The following CCSER1 variants were observed in gnomAD, a reference collection of about 807,000 sequenced individuals.
CCSER1 encodes the protein serine-rich coiled-coil domain-containing protein 1.
Under a neutral mutation model 82.0 loss-of-function variants are expected in CCSER1, and 41 were observed. The observed-to-expected ratio is 0.50, with a 90% CI of 0.39 to 0.65. The LOEUF (loss-of-function observed/expected upper bound fraction) is 0.65, where lower values mean the gene tolerates loss of function less well. Ranked by LOEUF, CCSER1 falls within the 30% of genes least tolerant of loss-of-function variation. CCSER1 has a pLI of 0.00. For synonymous variants in CCSER1, 414 were observed against 383.9 expected (o/e 1.08, Z -0.92); for missense variants, 1,119 against 1,064.2 (o/e 1.05, Z -0.72).
intron 1 of CCSER1, among the ~76,000 whole-genome samples, chr4:90,130,415 G>C (rs980223170): frequency 3.9e-5 from 6 of 152,144 alleles, no homozygotes; most frequent in Non-Finnish European, 7.4e-5. Context: ...GGTAAGACTT[G>C]CTTGATCTTG....
intron 4 of CCSER1, among the ~76,000 whole-genome samples, chr4:90,430,181 C>T (rs565492876): frequency 6.6e-6 from 1 of 151,826 alleles, no homozygotes; most frequent in African/African-American, 2.4e-5. Flanking sequence ...ACAATTTGTA[C>T]TTATTTTATC....
At chr4:91,275,602 T>C (rs915890924) in intron 10 of CCSER1, among the ~76,000 whole-genome samples, 2 of 152,206 alleles carry the variant, frequency 1.3e-5, no homozygotes, top group African/African-American at 4.8e-5. Flanking sequence ...AGTTTGCAAA[T>C]ATTTTCTCTC....
intron 5 of CCSER1, among the ~76,000 whole-genome samples, chr4:90,549,312 C>T (rs189870707): frequency 1.2e-4 from 19 of 152,226 alleles, no homozygotes; most frequent in Non-Finnish European, 2.6e-4. Flanking sequence ...AGTGAAACTC[C>T]TCTTTCAACA....
At chr4:90,666,647 G>A (rs546926691) in intron 6 of CCSER1, among the ~76,000 whole-genome samples, 18 of 152,272 alleles carry the variant, frequency 1.2e-4, no homozygotes, top group African/African-American at 2.4e-4. Flanking sequence ...GCCCTATCAC[G>A]TGCTGAAGAA....
chr4:90,694,923 A>G (rs566219216), intron 6 of CCSER1, among the ~76,000 whole-genome samples: 6 of 151,804 alleles, frequency 4.0e-5, no homozygotes, highest in Admixed American at 3.3e-4. Context: ...AAATCGTTTA[A>G]TATACCACCA....
intron 10 of CCSER1, among the ~76,000 whole-genome samples, chr4:91,507,749 T>G (rs1759579799): frequency 6.6e-6 from 1 of 151,980 alleles, no homozygotes; most frequent in African/African-American, 2.4e-5. Flanking sequence ...TTTAAAAAAA[T>G]TTTAATAAAC....
intron 5 of CCSER1, among the ~76,000 whole-genome samples, chr4:90,494,301 C>T (rs182041423): frequency 6.6e-6 from 1 of 152,118 alleles, no homozygotes; most frequent in Non-Finnish European, 1.5e-5. Flanking sequence ...CTTAGACTCC[C>T]ACACAATAAT....
chr4:90,948,227 A>G (rs1409661112), intron 9 of CCSER1, among the ~76,000 whole-genome samples: 1 of 151,954 alleles, frequency 6.6e-6, no homozygotes, highest in African/African-American at 2.4e-5. Context: ...AACATTCATT[A>G]TATCAAGATG....
intron 7 of CCSER1, among the ~76,000 whole-genome samples, chr4:90,764,504 C>G (rs1358646899): frequency 6.6e-6 from 1 of 151,986 alleles, no homozygotes; most frequent in Non-Finnish European, 1.5e-5. Flanking sequence ...TCAATTGTCA[C>G]CCAATAATGG....
At chr4:90,803,811 A>G (rs1280794857) in intron 7 of CCSER1, among the ~76,000 whole-genome samples, 1 of 152,138 alleles carries the variant, frequency 6.6e-6, no homozygotes, top group Non-Finnish European at 1.5e-5. Flanking sequence ...TGGTTGAACT[A>G]ATTTACACTC....
intron 6 of CCSER1, among the ~76,000 whole-genome samples, chr4:90,645,263 G>A (rs1468532249): frequency 6.6e-6 from 1 of 151,994 alleles, no homozygotes; most frequent in Non-Finnish European, 1.5e-5. Flanking sequence ...CGTTTACCTA[G>A]GTTTTAAAAT....
chr4:90,647,442 G>A (rs894896395), intron 6 of CCSER1, among the ~76,000 whole-genome samples: 1 of 152,112 alleles, frequency 6.6e-6, no homozygotes, highest in Non-Finnish European at 1.5e-5. Context: ...GCAAATGTTA[G>A]TATTTTCAAA....
At chr4:90,935,659 G>T (rs769010530) in intron 9 of CCSER1, among the ~76,000 whole-genome samples, 2 of 152,118 alleles carry the variant, frequency 1.3e-5, no homozygotes, top group East Asian at 3.9e-4. Context: ...TGGCATTATA[G>T]TAAGATGTAA....
At chr4:91,513,713 T>G (rs1759949692) in intron 10 of CCSER1, among the ~76,000 whole-genome samples, 1 of 152,158 alleles carries the variant, frequency 6.6e-6, no homozygotes, top group Non-Finnish European at 1.5e-5. Flanking sequence ...TTCCAGGAAT[T>G]TATTCATTTC....
chr4:91,058,389 T>G (rs13138447), intron 9 of CCSER1, among the ~76,000 whole-genome samples: 142,716 of 152,196 alleles, frequency 0.94, 67,030 homozygotes, highest in African/African-American at 0.98. Flanking sequence ...CTAAAACCCA[T>G]GTTCTTAAAA....
chr4:91,582,879 T>C (rs925072542), intron 10 of CCSER1, among the ~76,000 whole-genome samples: 18 of 151,488 alleles, frequency 1.2e-4, no homozygotes, highest in Non-Finnish European at 2.7e-4. Context: ...GAGTCACTTC[T>C]ATGGTCCCAT....
At chr4:91,427,681 A>T (rs537957631) in intron 10 of CCSER1, among the ~76,000 whole-genome samples, 103 of 152,240 alleles carry the variant, frequency 6.8e-4, no homozygotes, top group Non-Finnish European at 1.2e-3. Flanking sequence ...TTAACTAGCT[A>T]GTGCACATTC....
chr4:91,134,489 A>C (rs1383994531), intron 10 of CCSER1, among the ~76,000 whole-genome samples: 1 of 152,166 alleles, frequency 6.6e-6, no homozygotes, highest in African/African-American at 2.4e-5. Flanking sequence ...TTTGAGCATC[A>C]AGTTAAATAC....
intron 1 of CCSER1, among the ~76,000 whole-genome samples, chr4:90,213,414 T>A (rs1740402121): frequency 6.6e-6 from 1 of 152,026 alleles, no homozygotes; most frequent in South Asian, 2.1e-4. Context: ...AAATGTTGAG[T>A]AGGCCATAGA....
Sources: allele counts gnomAD v4.1 joint callset (sites outside exome capture counted in the v4.1 genomes callset), GRCh38; gene constraint gnomAD v4.1.1; transcripts MANE v1.5; gene names NCBI Gene and HGNC (gene_info 2026-07-23, HGNC 2026-07-21).